Variants in TAOK1 observed in about 807,000 individuals in gnomAD.
TAOK1 encodes the protein TAO kinase 1, also known as serine/threonine-protein kinase TAO1.
In TAOK1, 21 loss-of-function variants were observed where a neutral mutation model predicts 138.3. The observed-to-expected ratio is 0.15, with a 90% CI of 0.11 to 0.22. The LOEUF (loss-of-function observed/expected upper bound fraction) is 0.22, where lower values mean the gene tolerates loss of function less well. Ranked by LOEUF, TAOK1 falls within the 10% of genes least tolerant of loss-of-function variation. The probability of loss-of-function intolerance (pLI) is 1.00; values close to 1 mark genes in which losing one functional copy is unlikely to be tolerated. For synonymous variants in TAOK1, 361 were observed against 398.4 expected (o/e 0.91, Z 1.12); for missense variants, 651 against 1,227.7 (o/e 0.53, Z 7.02).
intron 18 of TAOK1, among the ~76,000 whole-genome samples, chr17:29,531,624 G>A (rs2032110481): frequency 6.6e-6 from 1 of 151,922 alleles, no homozygotes; most frequent in South Asian, 2.1e-4. Context: ...TTAGCCAGGC[G>A]TGGTGGTGGG....
intron 10 of TAOK1, among the ~76,000 whole-genome samples, chr17:29,493,919 T>A (rs1274131821): frequency 1.3e-5 from 2 of 149,506 alleles, no homozygotes; most frequent in Non-Finnish European, 3.0e-5. Context: ...ATAATAATTA[T>A]TTTTTTTTTG....
At position 29,437,052 on chromosome 17, in the gene TAOK1, C is replaced by T. The variant is rs200317089; in HGVS notation, c.-94-14403C>T. 3.5e-5 allele frequency among the ~76,000 whole-genome samples: 5 copies of T among 143,544 alleles called. No homozygotes were observed. In the South Asian group the frequency reaches 1.1e-3, roughly 32 times the overall value. 94.2% of individuals were successfully genotyped at this position (143,544 alleles called of 152,430 possible). ...TCAAAAAGTTTAAAGAAGAAAAAAA[C>T]CTTTTTTGTTTGTTTGTTTGTTTGT... On this transcript the variant is annotated intron_variant, in intron 1 of 19. Coordinates refer to ENST00000261716, the MANE Select transcript of TAOK1 (RefSeq NM_020791.4).
chr17:29,534,333 C>A, intron 19 of TAOK1, 33 bp downstream of exon 19: 1 of 1,474,762 alleles, frequency 6.8e-7, no homozygotes, highest in Non-Finnish European at 9.0e-7. Context: ...TCATTGTTTT[C>A]GAATTAGCTT....
In TAOK1 at chr17:29,551,707, CT is replaced by C. The variant is rs2032498359; in HGVS notation, c.*8686del. On this transcript the variant is annotated 3_prime_UTR_variant, in exon 20 of 20. Coordinates refer to ENST00000261716, the MANE Select transcript of TAOK1 (RefSeq NM_020791.4). ...TGTACAGTATATTGTCAGTATTCTT[CT>C]GGTTCAGCATACCTTATAGTTCATA... is the stretch of plus-strand genomic sequence containing the variant. 1 of 152,568 alleles carries C rather than the reference CT, an allele frequency of 6.6e-6. No individual in the cohort carries two copies. Among genetic ancestry groups the C allele is most frequent in the Non-Finnish European group, 1.5e-5 (1 of 68,026 alleles). The allele number at this position is 152,568 out of a possible 1,614,324, so 9.5% of individuals were successfully genotyped here.
At position 29,508,191 on chromosome 17, in the gene TAOK1, C is replaced by G. The variant is rs2031660028; in HGVS notation, c.1575+59C>G. ...TAGGTTTTGAATGTCTCAGAATTAA[C>G]CAACATGGCAGTTTGATGTTAGCGT... On this transcript the variant is annotated intron_variant, in intron 14 of 19. Coordinates refer to ENST00000261716, the MANE Select transcript of TAOK1 (RefSeq NM_020791.4). The G allele has an allele frequency of 2.1e-6, 3 of 1,458,740 alleles. No homozygotes were observed. The Admixed American group carries it at 5.1e-5, about 25-fold the overall frequency. The allele number at this position is 1,458,740 out of a possible 1,614,324, so 90.4% of individuals were successfully genotyped here. A position where few individuals can be genotyped will look rare whatever the true frequency, so the allele number is the denominator to read the frequency against.
At chr17:29,478,400 C>A in intron 6 of TAOK1, 53 bp downstream of exon 6, 1 of 1,238,352 alleles carries the variant, frequency 8.1e-7, no homozygotes, top group South Asian at 1.7e-5. Context: ...TTGCATATAC[C>A]AACTTTAGAA....
chr17:29,516,542 G>A (rs2031819313), intron 15 of TAOK1, among the ~76,000 whole-genome samples: 1 of 131,762 alleles, frequency 7.6e-6, no homozygotes, highest in African/African-American at 2.9e-5. Flanking sequence ...CGCTCTTCTT[G>A]CCCAGGCTGG....
At chr17:29,498,840 C>A (rs749732380) in intron 12 of TAOK1, among the ~76,000 whole-genome samples, 18 of 151,858 alleles carry the variant, frequency 1.2e-4, no homozygotes, top group Non-Finnish European at 2.2e-4. Flanking sequence ...GTGGGAGAAT[C>A]GCTTGAACCT....
chr17:29,442,011 C>G (rs1013577957), intron 1 of TAOK1, among the ~76,000 whole-genome samples: 2 of 151,800 alleles, frequency 1.3e-5, no homozygotes, highest in East Asian at 1.9e-4. Flanking sequence ...TTTCAAGAAC[C>G]AACTTCTTGA....
intron 10 of TAOK1, among the ~76,000 whole-genome samples, chr17:29,493,454 A>G (rs2031347237): frequency 6.6e-6 from 1 of 151,576 alleles, no homozygotes; most frequent in African/African-American, 2.4e-5. Context: ...AGATCGCACC[A>G]TTGCACTCCA....
intron 2 of TAOK1, among the ~76,000 whole-genome samples, chr17:29,464,006 A>G (rs1165324187): frequency 6.6e-6 from 1 of 152,196 alleles, no homozygotes; most frequent in African/African-American, 2.4e-5. Flanking sequence ...ATGCTAAATG[A>G]AAGAAGTCAA....
rs186403982 is a variant in TAOK1 at position 29,496,692 on chromosome 17, A to G, written c.999+965A>G. On this transcript the variant is annotated intron_variant, in intron 11 of 19. Coordinates refer to ENST00000261716, the MANE Select transcript of TAOK1 (RefSeq NM_020791.4). ...AATCTCCACCTCCCGGGTTCAAGCA[A>G]TTCTCCCCCTTCAGCCTCCCGAATA... is the stretch of plus-strand genomic sequence containing the variant. Among the ~76,000 whole-genome samples, 436 of 148,726 alleles carry G rather than the reference A, an allele frequency of 2.9e-3. 1 individual carries two copies. Among genetic ancestry groups the G allele is most frequent in the African/African-American group, 0.01 (418 of 40,268 alleles).
intron 6 of TAOK1, among the ~76,000 whole-genome samples, chr17:29,479,593 T>G (rs2031016447): frequency 6.6e-6 from 1 of 152,170 alleles, no homozygotes; most frequent in Non-Finnish European, 1.5e-5. Context: ...ACCTCTCCAT[T>G]TAAAAAAAAT....
intron 1 of TAOK1, among the ~76,000 whole-genome samples, chr17:29,443,042 A>G (rs1182559281): frequency 6.6e-6 from 1 of 152,172 alleles, no homozygotes; most frequent in African/African-American, 2.4e-5. Flanking sequence ...GATATAGTAG[A>G]TAGTATAATC....
chr17:29,517,170 A>G (rs932914260), intron 15 of TAOK1, among the ~76,000 whole-genome samples: 4 of 151,512 alleles, frequency 2.6e-5, no homozygotes, highest in Non-Finnish European at 5.9e-5. Context: ...TTGTATTTTT[A>G]GTAGAGACAG....
intron 1 of TAOK1, among the ~76,000 whole-genome samples, chr17:29,415,041 C>G (rs1227825398): frequency 6.6e-6 from 1 of 151,910 alleles, no homozygotes. Context: ...TTGACCTAGG[C>G]TCACTGCAAC....
At chr17:29,474,462 C>T (rs1380860173) in intron 3 of TAOK1, among the ~76,000 whole-genome samples, 2 of 152,134 alleles carry the variant, frequency 1.3e-5, no homozygotes, top group Non-Finnish European at 2.9e-5. Context: ...TGTGAGTATT[C>T]CGTTCACTTG....
intron 1 of TAOK1, among the ~76,000 whole-genome samples, chr17:29,444,033 T>C (rs896114746): frequency 4.6e-5 from 7 of 151,982 alleles, no homozygotes; most frequent in Non-Finnish European, 7.4e-5. Context: ...GAGAATTGCT[T>C]GAGCTCGGGA....
At chr17:29,491,336 A>C (rs2031291581) in intron 9 of TAOK1, among the ~76,000 whole-genome samples, 2 of 152,200 alleles carry the variant, frequency 1.3e-5, no homozygotes, top group Non-Finnish European at 2.9e-5. Flanking sequence ...CTCAGGTATA[A>C]AAACACTCTC....
Sources: gnomAD v4.1 joint callset for allele counts (sites outside exome capture counted in the v4.1 genomes callset) on GRCh38, gnomAD v4.1.1 for gene constraint, MANE v1.5 for transcripts, NCBI Gene and HGNC (gene_info 2026-07-23, HGNC 2026-07-21) for gene names.